The following EDA variants were observed in gnomAD, a reference collection of about 807,000 sequenced individuals.
EDA encodes ectodysplasin-A.
EDA carries 2 observed loss-of-function variants against 23.6 expected under a neutral mutation model. That is an observed-to-expected ratio of 0.08 (90% CI 0.03 to 0.27). The LOEUF (loss-of-function observed/expected upper bound fraction) is 0.27. Ranked by LOEUF, EDA falls within the 10% of genes least tolerant of loss-of-function variation. The pLI is 1.00. For synonymous variants in EDA, 131 were observed against 132.0 expected (o/e 0.99, Z 0.05); for missense variants, 229 against 324.2 (o/e 0.71, Z 2.26).
intron 1 of EDA, among the ~76,000 whole-genome samples, chrX:69,725,323 A>G (rs771523379): frequency 1.8e-5 from 2 of 112,071 alleles, no homozygotes; most frequent in Non-Finnish European, 3.8e-5. Context: ...GCCCACAGCC[A>G]TACCTTTGTA....
chrX:70,016,150 G>T (rs2019946644), intron 2 of EDA, among the ~76,000 whole-genome samples: 1 of 111,484 alleles, frequency 9.0e-6, no homozygotes, highest in South Asian at 3.8e-4. Context: ...TTACATAATG[G>T]TAAATGGTTC....
At chrX:69,617,774 A>G in intron 1 of EDA, 1 of 347,838 alleles carries the variant, frequency 2.9e-6, no homozygotes, top group Middle Eastern at 4.4e-4. Flanking sequence ...GAGGTGAGGG[A>G]CCCAAGCCTT....
intron 1 of EDA, among the ~76,000 whole-genome samples, chrX:69,928,986 T>G (rs1372779847): frequency 8.9e-6 from 1 of 111,953 alleles, no homozygotes; most frequent in Non-Finnish European, 1.9e-5. Flanking sequence ...CAACTTGCAC[T>G]TAGAAATTTC....
intron 1 of EDA, among the ~76,000 whole-genome samples, chrX:69,661,696 C>A (rs1035985528): frequency 9.1e-6 from 1 of 110,450 alleles, no homozygotes; most frequent in African/African-American, 3.3e-5. Flanking sequence ...GTTCTGTTCC[C>A]TTGGTCTATA....
chrX:69,825,910 G>A (rs367732686), intron 1 of EDA, among the ~76,000 whole-genome samples: 24 of 107,552 alleles, frequency 2.2e-4, no homozygotes, highest in African/African-American at 4.4e-4. Flanking sequence ...CTTTGTTCTC[G>A]TTGGTTTCAA....
intron 1 of EDA, among the ~76,000 whole-genome samples, chrX:69,661,412 G>T (rs1323748163): frequency 2.8e-5 from 3 of 105,378 alleles, no homozygotes; most frequent in Non-Finnish European, 5.8e-5. Flanking sequence ...TAGACATGAA[G>T]TCCTTGCCCA....
intron 1 of EDA, among the ~76,000 whole-genome samples, chrX:69,912,769 C>CTTTTTTTTTTTTT: frequency 1.3e-5 from 1 of 79,209 alleles, no homozygotes; most frequent in Non-Finnish European, 2.4e-5. Flanking sequence ...TTTTTCTTTT[C>CTTTTTTTTTTTTT]TTTTTTTTTT....
At chrX:69,903,904 G>A (rs1438018470) in intron 1 of EDA, among the ~76,000 whole-genome samples, 2 of 110,297 alleles carry the variant, frequency 1.8e-5, no homozygotes, top group South Asian at 3.9e-4. Flanking sequence ...TTTGCCTCCC[G>A]GGTTAAAGTG....
intron 1 of EDA, among the ~76,000 whole-genome samples, chrX:69,887,918 TA>T (rs1417003854): frequency 1.8e-5 from 2 of 111,853 alleles, no homozygotes; most frequent in African/African-American, 3.2e-5. Flanking sequence ...CAAGAAATAC[TA>T]AAAGCAGTTC....
chrX:70,021,419 T>C (rs1255167323), intron 2 of EDA, among the ~76,000 whole-genome samples: 2 of 111,956 alleles, frequency 1.8e-5, no homozygotes, highest in Non-Finnish European at 3.8e-5. Flanking sequence ...TCCTAGGCTG[T>C]GGTGGCTAGC....
chrX:69,837,334 C>T (rs755917430), intron 1 of EDA, among the ~76,000 whole-genome samples: 1 of 111,940 alleles, frequency 8.9e-6, no homozygotes, highest in Non-Finnish European at 1.9e-5. Flanking sequence ...GCCACTGCCA[C>T]GACACCTATC....
intron 1 of EDA, among the ~76,000 whole-genome samples, chrX:69,699,430 A>T (rs1228226069): frequency 9.0e-6 from 1 of 111,137 alleles, no homozygotes; most frequent in Non-Finnish European, 1.9e-5. Context: ...AGTTTCTATG[A>T]ATAGAGCATA....
chrX:69,632,029 A>G (rs1932614642), intron 1 of EDA, among the ~76,000 whole-genome samples: 1 of 112,001 alleles, frequency 8.9e-6, no homozygotes, highest in Non-Finnish European at 1.9e-5. Context: ...ACCTTATAAT[A>G]TGAAATTGTG....
At chrX:69,994,743 C>G (rs1324734948) in intron 2 of EDA, among the ~76,000 whole-genome samples, 1 of 111,969 alleles carries the variant, frequency 8.9e-6, no homozygotes, top group East Asian at 2.8e-4. Context: ...CCTATTCCGC[C>G]TAGGTCAAAG....
At chrX:69,938,619 C>T (rs2018710872) in intron 1 of EDA, among the ~76,000 whole-genome samples, 1 of 111,627 alleles carries the variant, frequency 9.0e-6, no homozygotes, top group East Asian at 2.8e-4. Context: ...TTGATATGCT[C>T]CCATTTGTCC....
At chrX:69,700,575 G>A (rs755135351) in intron 1 of EDA, among the ~76,000 whole-genome samples, 1 of 110,944 alleles carries the variant, frequency 9.0e-6, no homozygotes, top group African/African-American at 3.3e-5. Context: ...GAGTCTGTTG[G>A]GCGGAGTAGG....
At chrX:69,829,191 C>T (rs985721496) in intron 1 of EDA, among the ~76,000 whole-genome samples, 9 of 112,046 alleles carry the variant, frequency 8.0e-5, no homozygotes, top group Non-Finnish European at 1.1e-4. Context: ...TAGGTAAATC[C>T]CTAGTTCCCA....
intron 1 of EDA, among the ~76,000 whole-genome samples, chrX:69,705,176 T>C (rs1252001451): frequency 4.2e-5 from 4 of 95,843 alleles, no homozygotes; most frequent in Non-Finnish European, 8.1e-5. Flanking sequence ...TGAGCTGAGA[T>C]CACACCATTG....
chrX:69,709,935 A>G (rs189126375), intron 1 of EDA, among the ~76,000 whole-genome samples: 3 of 111,169 alleles, frequency 2.7e-5, no homozygotes, highest in Non-Finnish European at 3.8e-5. Flanking sequence ...ATTTTCTCCC[A>G]TTCTGTAGGT....
Sources: gnomAD v4.1 joint callset for allele counts (sites outside exome capture counted in the v4.1 genomes callset) on GRCh38, gnomAD v4.1.1 for gene constraint, MANE v1.5 for transcripts, NCBI Gene and HGNC (gene_info 2026-07-23, HGNC 2026-07-21) for gene names.